Variants in GET1 observed in about 807,000 individuals in gnomAD.
GET1 encodes the protein guided entry of tail-anchored proteins factor 1, also known as congenital heart disease 5 protein.
A neutral mutation model predicts 22.6 loss-of-function variants in GET1; 20 were observed. The observed-to-expected ratio is 0.89, with a 90% CI of 0.62 to 1.29. The LOEUF is 1.29. Ranked by LOEUF, GET1 falls within the 50% of genes most tolerant of loss-of-function variation. The pLI is 0.00. For missense variants in GET1, 209 were observed against 219.9 expected (o/e 0.95, Z 0.31); for synonymous variants, 92 against 83.8 (o/e 1.10, Z -0.53).
intron 1 of GET1, among the ~76,000 whole-genome samples, chr21:39,417,423 A>C (rs1049333026): frequency 2.6e-5 from 4 of 152,230 alleles, no homozygotes; most frequent in African/African-American, 9.6e-5. Context: ...CATGAAATCT[A>C]GGTTCTAGAG....
chr21:39,416,188 C>G (rs1357820729), intron 1 of GET1, among the ~76,000 whole-genome samples: 1 of 152,210 alleles, frequency 6.6e-6, no homozygotes, highest in African/African-American at 2.4e-5. Context: ...ATGTTTGCTT[C>G]TTGTCCTCTA....
At chr21:39,420,963 G>T in intron 1 of GET1, 4 of 701,260 alleles carry the variant, frequency 5.7e-6, no homozygotes, top group Non-Finnish European at 9.3e-6. Context: ...TTTAGTGAAT[G>T]ACTTATACAG....
At chr21:39,420,655 A>G (rs566869420) in intron 1 of GET1, 9 of 1,500,786 alleles carry the variant, frequency 6.0e-6, no homozygotes, top group Admixed American at 3.4e-5. Flanking sequence ...AATAGCTCAT[A>G]TATTTCGGGA....
intron 2 of GET1, 23 bp downstream of exon 2, chr21:39,390,886 G>A (rs1237721037): frequency 1.9e-6 from 3 of 1,612,784 alleles, no homozygotes; most frequent in Non-Finnish European, 2.5e-6. Flanking sequence ...TTGCAGCCTG[G>A]AGGCTTCATG....
chr21:39,383,176 G>A (rs530175993), intron 1 of GET1, among the ~76,000 whole-genome samples: 7 of 151,924 alleles, frequency 4.6e-5, no homozygotes, highest in South Asian at 2.1e-4. Context: ...GGATGGTCTC[G>A]ATCTCCTGAC....
chr21:39,399,484 G>T (rs971112473), downstream of GET1, among the ~76,000 whole-genome samples: 1 of 151,842 alleles, frequency 6.6e-6, no homozygotes, highest in South Asian at 2.1e-4. Flanking sequence ...TTGCTCTGTC[G>T]CCCAGGCTGG....
At chr21:39,393,122 G>T (rs1446586973) in intron 3 of GET1, 44 bp from the exon 4 acceptor site, 3 of 1,528,352 alleles carry the variant, frequency 2.0e-6, no homozygotes, top group Admixed American at 1.7e-5. Flanking sequence ...GTGGTCGGTT[G>T]TGTGATTGGC....
At chr21:39,385,818 C>T (rs568038570) in intron 1 of GET1, among the ~76,000 whole-genome samples, 9 of 152,322 alleles carry the variant, frequency 5.9e-5, no homozygotes, top group Non-Finnish European at 8.8e-5. Flanking sequence ...TGCCCCAGGA[C>T]TGGCACGGGC....
chr21:39,404,333 AC>A (rs1225064206), intron 4 of GET1, among the ~76,000 whole-genome samples: 1 of 152,250 alleles, frequency 6.6e-6, no homozygotes, highest in Admixed American at 6.5e-5. Context: ...TGGTCAACAT[AC>A]AGGTATGCAA....
intron 1 of GET1, chr21:39,386,517 G>T (rs758420020): frequency 3.9e-5 from 6 of 152,368 alleles, no homozygotes; most frequent in Non-Finnish European, 7.3e-5. Context: ...TGCCGGTAGG[G>T]TTCCTGGCCG....
rs774637994 is a variant in GET1, at chr21:39,380,437, T to A, written c.53T>A (p.Val18Glu). Reference sequence around the variant, plus strand: ...GCGTGGTTGCTGGTGCTCAGCTTCGTGTTTGGATGCAATGTTCTTAGGATC... The same window carrying A: ...GCGTGGTTGCTGGTGCTCAGCTTCGAGTTTGGATGCAATGTTCTTAGGATC... ...HWAWLLVLSF[V>E]FGCNVLRILL... is the part of the protein sequence containing the mutation. Residue 18 changes from valine (V) to glutamate (E), a missense_variant, in exon 1 of 5, where the codon GTG becomes GAG. Coordinates refer to ENST00000649170, the MANE Select transcript of GET1 (RefSeq NM_004627.6). The A allele has an allele frequency of 1.2e-6, 2 of 1,613,256 alleles. 1 individual carries two copies. Among genetic ancestry groups the A allele is most frequent in the South Asian group, 2.2e-5 (2 of 90,764 alleles).
intron 4 of GET1, among the ~76,000 whole-genome samples, chr21:39,403,630 T>C (rs1467183452): frequency 9.1e-5 from 5 of 54,774 alleles, no homozygotes; most frequent in Non-Finnish European, 2.5e-4. Flanking sequence ...TTTATTTTTA[T>C]TTTTTTTTTG....
intron 1 of GET1, chr21:39,423,567 T>C: frequency 7.7e-7 from 1 of 1,300,760 alleles, no homozygotes; most frequent in South Asian, 1.5e-5. Context: ...ATAATCTCTC[T>C]CCCATGCCCC....
intron 1 of GET1, chr21:39,411,882 G>T: frequency 1.3e-6 from 1 of 756,624 alleles, no homozygotes; most frequent in African/African-American, 1.8e-5. Context: ...CAATTTAAAT[G>T]AGCTCAGTAT....
downstream of GET1, among the ~76,000 whole-genome samples, chr21:39,401,954 C>A (rs1250911846): frequency 6.6e-6 from 1 of 152,090 alleles, no homozygotes; most frequent in South Asian, 2.1e-4. Flanking sequence ...CGTCTCTCCC[C>A]CTTCCCCAGG....
chr21:39,400,161 G>GGTGT (rs113184350), downstream of GET1, among the ~76,000 whole-genome samples: 314 of 150,994 alleles, frequency 2.1e-3, 3 homozygotes, highest in East Asian at 0.034. Flanking sequence ...TCATGGGAGA[G>GGTGT]GTGTGTGTGT....
downstream of GET1, chr21:39,410,826 T>C: frequency 2.1e-6 from 1 of 471,094 alleles, no homozygotes. Flanking sequence ...GGTTGATTCA[T>C]TGTCTCTATT....
rs199876754 is a variant in GET1 at position 39,396,929 on chromosome 21, C to T, written c.515C>T (p.Pro172Leu). 5.8e-5 allele frequency: 94 copies of T among 1,614,026 alleles called. No homozygotes were observed. The highest frequency in any genetic ancestry group is 7.2e-5 in the Non-Finnish European group (85 of 1,180,004). ...CNKVVAIVLHPFS is the reference protein window; with the variant it reads ...CNKVVAIVLHLFS ...AAAGTTGTCGCTATTGTGCTTCATC[C>T]GTTCAGCTGAACAGGAGGATGGATA... Residue 172 changes from proline (P) to leucine (L), a missense_variant, in exon 5 of 5, where the codon CCG becomes CTG. Pro to Leu is a moderately conservative substitution (Grantham distance 98). Transcript: ENST00000649170.
intron 1 of GET1, among the ~76,000 whole-genome samples, chr21:39,420,522 C>CA (rs397972848): frequency 0.17 from 15,225 of 87,068 alleles, 1,593 homozygotes; most frequent in South Asian, 0.21. Flanking sequence ...GATTCTATCT[C>CA]AAAAAAAAAA....
Sources: gnomAD v4.1 joint callset for allele counts (sites outside exome capture counted in the v4.1 genomes callset) on GRCh38, gnomAD v4.1.1 for gene constraint, MANE v1.5 for transcripts, NCBI Gene and HGNC (gene_info 2026-07-23, HGNC 2026-07-21) for gene names.